SRRM4: variants seen among roughly 807,000 people sequenced by gnomAD.
SRRM4 encodes serine/arginine repetitive matrix 4, also known as serine/arginine repetitive matrix protein 4.
Under a neutral mutation model 68.9 loss-of-function variants are expected in SRRM4, and 33 were observed. The observed-to-expected ratio is 0.48, with a 90% confidence interval of 0.36 to 0.64. SRRM4 has a LOEUF of 0.64. Ranked by LOEUF, SRRM4 falls within the 30% of genes least tolerant of loss-of-function variation. The pLI is 0.00. For missense variants in SRRM4, 817 were observed against 827.1 expected, an observed-to-expected ratio of 0.99 and a Z score of 0.15; for synonymous variants, 318 against 318.8, an observed-to-expected ratio of 1.00 and a Z score of 0.03.
intron 8 of SRRM4, among the ~76,000 whole-genome samples, chr12:119,136,059 C>G (rs1954325990): frequency 6.6e-6 from 1 of 152,138 alleles, no homozygotes; most frequent in Non-Finnish European, 1.5e-5. Flanking sequence ...GGGACATAAC[C>G]CTCAAAGTAT....
Position 119,154,464 on chromosome 12 carries a change from C to T in SRRM4, c.1532+81C>T. ...TACTCATTCGAGCCTCAGGCTCTCCCTAGGCCTCCTTGGGGCTGGGATTTA... is the reference window on the plus strand; with the variant it reads ...TACTCATTCGAGCCTCAGGCTCTCCTTAGGCCTCCTTGGGGCTGGGATTTA... On this transcript the variant is annotated intron_variant, in intron 12 of 12. Transcript: ENST00000267260. This position sits in a 1 kb window ranked among gnomAD's most constrained non-coding sequence, Gnocchi z 4.7. 6.6e-7 allele frequency: 1 copy of T among 1,506,738 alleles called. No individual in the cohort carries two copies. Among genetic ancestry groups the T allele is most frequent in the Non-Finnish European group, 9.1e-7 (1 of 1,104,028 alleles). 93.3% of individuals were successfully genotyped at this position (1,506,738 alleles called of 1,614,324 possible). A position where few individuals can be genotyped will look rare whatever the true frequency, so the allele number is the denominator to read the frequency against.
intron 1 of SRRM4, among the ~76,000 whole-genome samples, chr12:119,006,136 G>T (rs188934622): frequency 7.8e-4 from 119 of 152,272 alleles, no homozygotes; most frequent in African/African-American, 2.8e-3. Flanking sequence ...TCTGTTCTGG[G>T]AGCTTTCCGT....
At chr12:118,982,653 G>GGAAGAGTTT (rs1370037630) in intron 1 of SRRM4, among the ~76,000 whole-genome samples, 20 of 144,850 alleles carry the variant, frequency 1.4e-4, no homozygotes, top group Non-Finnish European at 2.6e-4. Flanking sequence ...AGATGATCTT[G>GGAAGAGTTT]GAAGAGTTTT....
chr12:119,082,130 C>A (rs1953952553), intron 1 of SRRM4, among the ~76,000 whole-genome samples: 1 of 152,104 alleles, frequency 6.6e-6, no homozygotes, highest in South Asian at 2.1e-4. Context: ...GTCCCAGGAT[C>A]AGCCTCATTA....
At chr12:118,992,667 T>C (rs188660724) in intron 1 of SRRM4, among the ~76,000 whole-genome samples, 1 of 152,272 alleles carries the variant, frequency 6.6e-6, no homozygotes, top group Admixed American at 6.5e-5. Context: ...CACCTTTCAA[T>C]GGTCAGTTCT....
At chr12:119,125,312 A>T in intron 6 of SRRM4, 69 bp from the exon 7 acceptor site, 2 of 1,401,234 alleles carry the variant, frequency 1.4e-6, no homozygotes, top group Non-Finnish European at 2.0e-6. Context: ...CACAAGATCA[A>T]ATCTCTCACT....
chr12:119,160,250 CCTCTCTCTCTCTCTGT>C lies in SRRM4; in HGVS notation c.*3463_*3478del, dbSNP rs1954502803. ...AATGCCTGCTTCGGGGAAATCTCTG[CCTCTCTCTCTCTCTGT>C]CTCTCTCTCTGTCTCTCTCTCTGTC... On this transcript the variant is annotated 3_prime_UTR_variant, in exon 13 of 13. Coordinates refer to ENST00000267260, the MANE Select transcript of SRRM4 (RefSeq NM_194286.4). 7.0e-6 allele frequency: 1 copy of C among 143,634 alleles called. No homozygotes were observed. Among genetic ancestry groups the C allele is most frequent in the African/African-American group, 2.7e-5 (1 of 37,310 alleles). The allele number at this position is 143,634 out of a possible 1,614,324, so 8.9% of individuals were successfully genotyped here.
chr12:119,111,135 T>C (rs1450486818), intron 2 of SRRM4, among the ~76,000 whole-genome samples: 2 of 152,230 alleles, frequency 1.3e-5, no homozygotes, highest in African/African-American at 2.4e-5. Context: ...CTGATACTTA[T>C]TGAACTGTCA....
At chr12:119,141,282 AGAT>A (rs1344118029) in intron 8 of SRRM4, among the ~76,000 whole-genome samples, 1 of 152,262 alleles carries the variant, frequency 6.6e-6, no homozygotes, top group Non-Finnish European at 1.5e-5. Flanking sequence ...CATAAAGAAA[AGAT>A]AAATGTTTAA....
chr12:119,098,046 A>T (rs946442816), intron 1 of SRRM4, among the ~76,000 whole-genome samples: 2 of 152,208 alleles, frequency 1.3e-5, no homozygotes, highest in African/African-American at 2.4e-5. Flanking sequence ...ACTTGCAAGA[A>T]TTGGTTACAA....
chr12:119,010,213 C>T (rs1594025247), intron 1 of SRRM4, among the ~76,000 whole-genome samples: 1 of 152,304 alleles, frequency 6.6e-6, no homozygotes, highest in African/African-American at 2.4e-5. Context: ...CCACCACGCC[C>T]GGCTAATTTT....
chr12:119,097,155 A>T (rs1419476764), intron 1 of SRRM4, among the ~76,000 whole-genome samples: 1 of 152,198 alleles, frequency 6.6e-6, no homozygotes, highest in African/African-American at 2.4e-5. Context: ...TAGAAGGAAA[A>T]TGAGGCAACT....
intron 3 of SRRM4, among the ~76,000 whole-genome samples, 175 bp downstream of exon 3, chr12:119,114,539 T>G (rs1047575897): frequency 6.6e-6 from 1 of 152,040 alleles, no homozygotes; most frequent in Non-Finnish European, 1.5e-5. Flanking sequence ...ATTATACTTC[T>G]CCAAAATGGT....
chr12:119,102,392 A>G lies in SRRM4; in HGVS notation c.278+10A>G, dbSNP rs1954083078. On this transcript the variant is annotated intron_variant, in intron 2 of 12. Transcript: ENST00000267260. Reference sequence around the variant, plus strand: ...CCACCAGAGGACACAGGTGAGATCCAATGAGGACGTTCAAGTTGAAGATAC... The same window carrying G: ...CCACCAGAGGACACAGGTGAGATCCGATGAGGACGTTCAAGTTGAAGATAC... 1.2e-6 allele frequency: 2 copies of G among 1,600,132 alleles called. No homozygotes were observed. The highest frequency in any genetic ancestry group is 1.7e-5 in the Admixed American group (1 of 58,538).
intron 9 of SRRM4, among the ~76,000 whole-genome samples, chr12:119,147,231 G>A (rs1228508781): frequency 6.6e-6 from 1 of 152,174 alleles, no homozygotes; most frequent in Non-Finnish European, 1.5e-5. Flanking sequence ...ACACTGCATG[G>A]CTCCAACTGT....
Position 119,141,194 on chromosome 12 carries a change from C to T in SRRM4, c.772-4187C>T, listed in dbSNP as rs531895349. Among the ~76,000 whole-genome samples, 287 of 152,310 alleles carry T rather than the reference C, an allele frequency of 1.9e-3. 1 individual carries two copies. The highest frequency in any genetic ancestry group is 3.3e-3 in the Non-Finnish European group (222 of 68,026). On this transcript the variant is annotated intron_variant, in intron 8 of 12. Coordinates refer to ENST00000267260, the MANE Select transcript of SRRM4 (RefSeq NM_194286.4). ...CTGACCTCAAGTAATCCACCCACTT[C>T]GGCCTCCCAGAGTGTTGGGATTACA...
At chr12:119,127,736 A>AAAAAAG (rs1555220394) in intron 7 of SRRM4, among the ~76,000 whole-genome samples, 15 of 143,094 alleles carry the variant, frequency 1.0e-4, no homozygotes, top group African/African-American at 2.4e-4. Flanking sequence ...CTCAAAAAAA[A>AAAAAAG]AAAAGAAAAG....
chr12:119,034,283 G>C (rs1449249107), intron 1 of SRRM4, among the ~76,000 whole-genome samples: 2 of 152,200 alleles, frequency 1.3e-5, no homozygotes, highest in African/African-American at 2.4e-5. Flanking sequence ...CCAGGAAGGG[G>C]ACATGGCTTT....
chr12:119,108,755 G>A (rs919968839), intron 2 of SRRM4, among the ~76,000 whole-genome samples: 4 of 151,974 alleles, frequency 2.6e-5, no homozygotes, highest in African/African-American at 9.7e-5. Flanking sequence ...GCACATTGAT[G>A]GGTCTTGACT....
Sources: allele counts gnomAD v4.1 joint callset (sites outside exome capture counted in the v4.1 genomes callset), GRCh38; gene constraint gnomAD v4.1.1; non-coding constraint Gnocchi (gnomAD v3.1); transcripts MANE v1.5; gene names NCBI Gene and HGNC (gene_info 2026-07-23, HGNC 2026-07-21).